Variants in CD46 observed in about 807,000 individuals in gnomAD.
CD46 encodes membrane cofactor protein.
In CD46, 30 loss-of-function variants were observed where a neutral mutation model predicts 53.3. That is an observed-to-expected ratio of 0.56 (90% CI 0.42 to 0.76). The LOEUF (loss-of-function observed/expected upper bound fraction) is 0.76, where lower values mean the gene tolerates loss of function less well. Among genes scored for constraint, CD46 ranks in the 30% least tolerant of loss-of-function variants. The pLI, the probability that CD46 is intolerant of heterozygous loss-of-function variation, is 0.00. For synonymous variants in CD46, 142 were observed against 152.0 expected, an observed-to-expected ratio of 0.93 and a Z score of 0.48; for missense variants, 409 against 463.0, an observed-to-expected ratio of 0.88 and a Z score of 1.07.
chr1:207,782,958 CTCTA>C (rs1340300967), intron 8 of CD46, among the ~76,000 whole-genome samples: 16 of 151,852 alleles, frequency 1.1e-4, no homozygotes, highest in Admixed American at 9.8e-4. Context: ...CGGCTAATCC[CTCTA>C]TCTTTTAATT....
At chr1:207,792,888 G>A (rs940954006) in intron 12 of CD46, among the ~76,000 whole-genome samples, 1 of 152,176 alleles carries the variant, frequency 6.6e-6, no homozygotes, top group South Asian at 2.1e-4. Context: ...GTTATACTCG[G>A]TTAAAGAAAA....
intron 12 of CD46, among the ~76,000 whole-genome samples, chr1:207,793,071 C>A (rs952096996): frequency 6.6e-6 from 1 of 152,154 alleles, no homozygotes; most frequent in Non-Finnish European, 1.5e-5. Context: ...ATTTAGGAGA[C>A]TCTTAGTGGA....
intron 3 of CD46, among the ~76,000 whole-genome samples, chr1:207,757,880 A>G (rs754265937): frequency 2.0e-5 from 3 of 152,242 alleles, no homozygotes; most frequent in Non-Finnish European, 2.9e-5. Flanking sequence ...TGTTGTAAGC[A>G]TTAAGAATGT....
intron 6 of CD46, chr1:207,767,399 C>A: frequency 1.4e-6 from 1 of 707,600 alleles, no homozygotes; most frequent in Non-Finnish European, 2.4e-6. Flanking sequence ...ATTTTTTGTG[C>A]TTTTCCAGGG....
chr1:207,793,042 T>G (rs999867159), intron 12 of CD46, among the ~76,000 whole-genome samples: 2 of 152,198 alleles, frequency 1.3e-5, no homozygotes, highest in African/African-American at 2.4e-5. Flanking sequence ...ATACTAAAAG[T>G]GTGACGTAAA....
At chr1:207,773,418 A>C (rs541131867) in intron 8 of CD46, among the ~76,000 whole-genome samples, 1 of 151,944 alleles carries the variant, frequency 6.6e-6, no homozygotes, top group South Asian at 2.1e-4. Context: ...GATCTTAGTT[A>C]TTTCTTGCCT....
intron 8 of CD46, among the ~76,000 whole-genome samples, chr1:207,771,347 G>T (rs1657488790): frequency 6.6e-6 from 1 of 152,134 alleles, no homozygotes; most frequent in Non-Finnish European, 1.5e-5. Context: ...TCTGTACGTT[G>T]CCTGTTCACT....
In CD46 at chr1:207,789,870, G is replaced by GAA. The variant is rs150136290; in HGVS notation, c.1083-356_1083-355dup. ...GCAACATAGTGAGATGCTGTGTCTT[G>GAA]AAAAAAAAAAAAAAAAAAAAAAAAA... On this transcript the variant is annotated intron_variant, in intron 11 of 12. Coordinates refer to ENST00000367042, the MANE Select transcript of CD46 (RefSeq NM_172351.3). Among the ~76,000 whole-genome samples the GAA allele has an allele frequency of 7.8e-3, 339 of 43,370 alleles. 19 individuals are homozygous for GAA. Among genetic ancestry groups the GAA allele is most frequent in the African/African-American group, 0.023 (249 of 10,944 alleles). 28.5% of individuals were successfully genotyped at this position (43,370 alleles called of 152,430 possible).
intron 12 of CD46, among the ~76,000 whole-genome samples, chr1:207,792,136 C>A (rs1659851019): frequency 6.6e-6 from 1 of 152,078 alleles, no homozygotes; most frequent in Admixed American, 6.5e-5. Flanking sequence ...ATTAGCTGGG[C>A]ATGGTGGTGC....
At chr1:207,767,874 T>G in intron 7 of CD46, 51 bp downstream of exon 7, 1 of 1,369,152 alleles carries the variant, frequency 7.3e-7, no homozygotes, top group Non-Finnish European at 1.0e-6. Flanking sequence ...AAATTCCTGG[T>G]GATTTTTTAT....
intron 2 of CD46, 121 bp downstream of exon 2, chr1:207,757,323 A>G (rs1275877769): frequency 2.0e-6 from 2 of 1,013,822 alleles, no homozygotes; most frequent in African/African-American, 1.6e-5. Context: ...CAAGATAACA[A>G]TGCATTTTTG....
chr1:207,790,714 A>G (rs925117661), intron 12 of CD46, among the ~76,000 whole-genome samples: 1 of 152,238 alleles, frequency 6.6e-6, no homozygotes, highest in African/African-American at 2.4e-5. Context: ...GCCCTTTTAT[A>G]GAAACCAAAA....
intron 8 of CD46, among the ~76,000 whole-genome samples, chr1:207,773,870 G>T (rs1029641212): frequency 6.6e-6 from 1 of 152,196 alleles, no homozygotes. Context: ...TTCATTTGGG[G>T]TGTAGAGTTC....
At chr1:207,767,223 GGTTT>G in intron 6 of CD46, 28 bp downstream of exon 6, 1 of 1,584,964 alleles carries the variant, frequency 6.3e-7, no homozygotes, top group Admixed American at 1.7e-5. Context: ...TTTCTGTCTT[GGTTT>G]GTTATTGTTG....
At chr1:207,763,978 T>C (rs1656556226) in intron 5 of CD46, among the ~76,000 whole-genome samples, 9 of 150,286 alleles carry the variant, frequency 6.0e-5, no homozygotes. Context: ...TTTTTGTCAT[T>C]GGAACATTTG....
chr1:207,785,796 A>AAC, intron 11 of CD46, 114 bp downstream of exon 11: 1 of 748,234 alleles, frequency 1.3e-6, no homozygotes, highest in East Asian at 2.5e-5. Context: ...TTTTTTAAAA[A>AAC]AATGCCTGCA....
chr1:207,785,237 ACTTTTTATTTGATATACTTAACTACCTAC>A (rs1331584793), intron 10 of CD46, 131 bp downstream of exon 10: 6 of 733,102 alleles, frequency 8.2e-6, no homozygotes, highest in African/African-American at 5.3e-5. Flanking sequence ...GGAAAACCTG[ACTTTTTATTTGATATACTTAACTACCTAC>A]CTTGTGTTAG....
At chr1:207,785,828 A>G (rs569970617) in intron 11 of CD46, 146 bp downstream of exon 11, 1 of 640,034 alleles carries the variant, frequency 1.6e-6, no homozygotes, top group East Asian at 2.7e-5. Context: ...TACCAATTGC[A>G]TTTCTTTGCT....
chr1:207,770,433 T>G, intron 8 of CD46, 71 bp downstream of exon 8: 186 of 1,132,394 alleles, frequency 1.6e-4, no homozygotes, highest in Non-Finnish European at 2.2e-4. Flanking sequence ...CTTTAAGCTC[T>G]AGGGTATGTG....
Sources: gnomAD v4.1 joint callset for allele counts (sites outside exome capture counted in the v4.1 genomes callset) on GRCh38, gnomAD v4.1.1 for gene constraint, MANE v1.5 for transcripts, NCBI Gene and HGNC (gene_info 2026-07-23, HGNC 2026-07-21) for gene names.